GPC5: variants seen among roughly 807,000 people sequenced by gnomAD.
GPC5 encodes the protein glypican 5.
In GPC5, 47 loss-of-function variants were observed where a neutral mutation model predicts 53.9. The ratio of observed to expected loss-of-function variants is 0.87; its 90% CI spans 0.69 to 1.11. The LOEUF is 1.11. Among genes scored for constraint, GPC5 ranks in the 50% most tolerant of loss-of-function variants. GPC5 has a pLI of 0.00. For missense variants in GPC5, 748 were observed against 713.1 expected (o/e 1.05, Z -0.56); for synonymous variants, 286 against 263.3 (o/e 1.09, Z -0.84).
At chr13:92,271,386 C>G (rs934080495) in intron 7 of GPC5, among the ~76,000 whole-genome samples, 1 of 152,130 alleles carries the variant, frequency 6.6e-6, no homozygotes, top group South Asian at 2.1e-4. Context: ...CTAACTCCAC[C>G]CTTTTATGGC....
At chr13:91,437,154 G>A (rs1325327857) in intron 1 of GPC5, among the ~76,000 whole-genome samples, 2 of 152,134 alleles carry the variant, frequency 1.3e-5, no homozygotes, top group South Asian at 2.1e-4. Flanking sequence ...TTGCCAGTCC[G>A]TGTCTTTTAA....
intron 7 of GPC5, among the ~76,000 whole-genome samples, chr13:92,443,745 C>A (rs1314142578): frequency 6.6e-6 from 1 of 152,114 alleles, no homozygotes; most frequent in Non-Finnish European, 1.5e-5. Context: ...AGTACAGAGG[C>A]AGCAAAAAGA....
intron 6 of GPC5, among the ~76,000 whole-genome samples, chr13:92,104,654 G>A (rs2041493782): frequency 6.6e-6 from 1 of 152,114 alleles, no homozygotes; most frequent in Non-Finnish European, 1.5e-5. Context: ...TGGGTAGAGT[G>A]CTAAAAGGGA....
chr13:92,005,101 A>G (rs931337616), intron 6 of GPC5, among the ~76,000 whole-genome samples: 8 of 152,170 alleles, frequency 5.3e-5, no homozygotes, highest in African/African-American at 1.9e-4. Context: ...TGCATCCTTC[A>G]ATCCAATCAA....
intron 7 of GPC5, among the ~76,000 whole-genome samples, chr13:92,219,657 T>C (rs2042434972): frequency 6.6e-6 from 1 of 152,152 alleles, no homozygotes; most frequent in Non-Finnish European, 1.5e-5. Flanking sequence ...TTCATTTGCA[T>C]AGGAGTATAA....
intron 3 of GPC5, among the ~76,000 whole-genome samples, chr13:91,698,439 A>G (rs1333139448): frequency 6.6e-6 from 1 of 152,202 alleles, no homozygotes; most frequent in Non-Finnish European, 1.5e-5. Flanking sequence ...CAGTAAGCAT[A>G]GTAAATTTAT....
chr13:91,974,155 C>T (rs946325778), intron 6 of GPC5, among the ~76,000 whole-genome samples: 2 of 152,158 alleles, frequency 1.3e-5, no homozygotes, highest in Non-Finnish European at 2.9e-5. Flanking sequence ...AACCCACAGC[C>T]AATATCATAC....
Position 92,408,002 on chromosome 13 carries a change from G to A in GPC5, c.1561+263013G>A, listed in dbSNP as rs141175629. Among the ~76,000 whole-genome samples, 412 of 152,274 alleles carry A rather than the reference G, an allele frequency of 2.7e-3. 3 individuals carry two copies. Among genetic ancestry groups the A allele is most frequent in the African/African-American group, 9.4e-3 (392 of 41,556 alleles). On this transcript the variant is annotated intron_variant, in intron 7 of 7. Coordinates refer to ENST00000377067, the MANE Select transcript of GPC5 (RefSeq NM_004466.6). ...TTAAACCAGGGGTCCCCAAGCCATG[G>A]CCGCCAAGTGGAACTGATCCGTGGC...
At chr13:92,089,350 C>T (rs998460111) in intron 6 of GPC5, among the ~76,000 whole-genome samples, 27 of 152,090 alleles carry the variant, frequency 1.8e-4, no homozygotes, top group Admixed American at 5.2e-4. Context: ...AGGAGAATGG[C>T]GTGAACCTGG....
intron 7 of GPC5, among the ~76,000 whole-genome samples, chr13:92,251,959 T>G (rs1398429859): frequency 6.6e-6 from 1 of 152,166 alleles, no homozygotes; most frequent in Non-Finnish European, 1.5e-5. Context: ...CATCAAACAC[T>G]AATGTAATTA....
intron 7 of GPC5, among the ~76,000 whole-genome samples, chr13:92,216,715 C>A (rs1199929343): frequency 6.6e-6 from 1 of 152,108 alleles, no homozygotes; most frequent in Non-Finnish European, 1.5e-5. Flanking sequence ...CGCGGTGGCT[C>A]ATGCCTGTAA....
chr13:91,693,571 A>G lies in GPC5; in HGVS notation c.710A>G (p.Asn237Ser). 1 of 1,614,080 alleles carries G rather than the reference A, an allele frequency of 6.2e-7. No homozygotes were observed. Among genetic ancestry groups the G allele is most frequent in the African/African-American group, 1.3e-5 (1 of 75,036 alleles). Residue 237 changes from asparagine (N) to serine (S), a missense_variant, in exon 3 of 8, where the codon AAC (asparagine) becomes AGC (serine). Asn to Ser is a conservative substitution (Grantham distance 46, BLOSUM62 1). Coordinates refer to ENST00000377067, the MANE Select transcript of GPC5 (RefSeq NM_004466.6). ...QALNLGIEVI[N>S]TTDYLHFSKE... ...CTCAATCTGGGCATTGAAGTCATCA[A>G]CACCACAGACTATCTGCACTTCTCC... is the stretch of plus-strand genomic sequence containing the variant.
chr13:92,251,585 T>A (rs1476523569), intron 7 of GPC5, among the ~76,000 whole-genome samples: 1 of 152,076 alleles, frequency 6.6e-6, no homozygotes, highest in Admixed American at 6.6e-5. Context: ...CTAACTTCTT[T>A]GAGCTTCAGT....
intron 7 of GPC5, among the ~76,000 whole-genome samples, chr13:92,268,823 A>AT (rs1477808404): frequency 1.3e-5 from 2 of 152,070 alleles, no homozygotes; most frequent in African/African-American, 4.8e-5. Flanking sequence ...TTCTTATGTC[A>AT]TTGTCAGCAA....
rs548811114 is a variant in GPC5, at chr13:92,418,177, T to G, written c.1561+273188T>G. ...GCTGGGATGTGGGAAAGATAATGAG[T>G]GACTGCTAATGGGCATGGGATTTCT... On this transcript the variant is annotated intron_variant, in intron 7 of 7. Coordinates refer to ENST00000377067, the MANE Select transcript of GPC5 (RefSeq NM_004466.6). Among the ~76,000 whole-genome samples the G allele has an allele frequency of 2.0e-5, 3 of 152,190 alleles. No individual in the cohort carries two copies. In the East Asian group the frequency reaches 5.8e-4, roughly 29 times the overall value.
intron 7 of GPC5, among the ~76,000 whole-genome samples, chr13:92,421,582 C>T (rs1456892945): frequency 6.6e-6 from 1 of 150,884 alleles, no homozygotes; most frequent in Non-Finnish European, 1.5e-5. Flanking sequence ...ACCTGTAGTC[C>T]CAGCTACTCG....
intron 7 of GPC5, among the ~76,000 whole-genome samples, chr13:92,529,311 A>G (rs2138984587): frequency 6.6e-6 from 1 of 152,320 alleles, no homozygotes; most frequent in South Asian, 2.1e-4. Context: ...ATCTATGAAA[A>G]TAAAACAGCC....
intron 7 of GPC5, among the ~76,000 whole-genome samples, chr13:92,779,414 G>A (rs766959746): frequency 5.9e-5 from 9 of 151,890 alleles, no homozygotes; most frequent in African/African-American, 1.5e-4. Flanking sequence ...TATTTTGGTC[G>A]GAATAAAGCA....
At chr13:91,505,561 C>T (rs1257392092) in intron 2 of GPC5, among the ~76,000 whole-genome samples, 2 of 152,160 alleles carry the variant, frequency 1.3e-5, no homozygotes, top group Non-Finnish European at 2.9e-5. Flanking sequence ...AGATGTGGAA[C>T]TCAGCACTTT....
Sources: gnomAD v4.1 joint callset for allele counts (sites outside exome capture counted in the v4.1 genomes callset) on GRCh38, gnomAD v4.1.1 for gene constraint, MANE v1.5 for transcripts, NCBI Gene and HGNC (gene_info 2026-07-23, HGNC 2026-07-21) for gene names.